Variants in SIGLEC9 observed in about 807,000 individuals in gnomAD.
SIGLEC9 encodes sialic acid binding Ig like lectin 9, also known as sialic acid-binding Ig-like lectin 9.
In SIGLEC9, 26 loss-of-function variants were observed where a neutral mutation model predicts 38.3. The observed-to-expected ratio is 0.68, with a 90% CI of 0.50 to 0.94. The LOEUF is 0.94. Among genes scored for constraint, SIGLEC9 ranks in the 40% least tolerant of loss-of-function variants. SIGLEC9 has a pLI of 0.00. For missense variants in SIGLEC9, 556 were observed against 585.7 expected, an observed-to-expected ratio of 0.95 and a Z score of 0.52; for synonymous variants, 236 against 248.0, an observed-to-expected ratio of 0.95 and a Z score of 0.45.
Position 51,130,111 on chromosome 19 carries a change from T to G in SIGLEC9, c.*32T>G. 1 of 1,566,830 alleles carries G rather than the reference T, an allele frequency of 6.4e-7. No homozygotes were observed. The highest frequency in any genetic ancestry group is 8.7e-7 in the Non-Finnish European group (1 of 1,155,286). On this transcript the variant is annotated 3_prime_UTR_variant, in exon 7 of 7. Coordinates refer to ENST00000250360, the MANE Select transcript of SIGLEC9 (RefSeq NM_014441.3). The stretch of plus-strand genomic sequence containing the variant: ...GCAGAGACTCACCCTGATTGAGGGA[T>G]CACAGCCCCTCCAGGCAAGGGAGAA...
chr19:51,128,052 C>G lies in SIGLEC9; in HGVS notation c.1106+13C>G. On this transcript the variant is annotated intron_variant, in intron 5 of 6. Coordinates refer to ENST00000250360, the MANE Select transcript of SIGLEC9 (RefSeq NM_014441.3). Reference sequence around the variant, plus strand: ...TCATCTTCGTTGTGTAAGCATGGACCCTAGAGAGGGAGGGAGGGAGAGCCC... The same window carrying G: ...TCATCTTCGTTGTGTAAGCATGGACGCTAGAGAGGGAGGGAGGGAGAGCCC... 6.2e-7 allele frequency: 1 copy of G among 1,602,634 alleles called. No individual in the cohort carries two copies. Among genetic ancestry groups the G allele is most frequent in the Non-Finnish European group, 8.5e-7 (1 of 1,170,282 alleles).
chr19:51,122,419 A>G (rs1338903945), upstream of SIGLEC9, among the ~76,000 whole-genome samples: 2 of 152,106 alleles, frequency 1.3e-5, no homozygotes, highest in Non-Finnish European at 2.9e-5. This position sits in a 1 kb window ranked among gnomAD's most constrained non-coding sequence, Gnocchi z 4.1. Context: ...CGTCTCTACT[A>G]AAAATACAAA....
intron 3 of SIGLEC9, 119 bp downstream of exon 3, chr19:51,126,247 C>T: frequency 1.0e-6 from 1 of 1,002,900 alleles, no homozygotes; most frequent in East Asian, 2.4e-5. Context: ...TGGGTGAACT[C>T]AGGGCCCCTC....
rs1193792544 is a variant in SIGLEC9, at chr19:51,130,059, G to C, written c.1372G>C (p.Glu458Gln). 2 of 1,612,288 alleles carry C rather than the reference G, an allele frequency of 1.2e-6. No individual in the cohort carries two copies. The highest frequency in any genetic ancestry group is 1.7e-6 in the Non-Finnish European group (2 of 1,179,154). ...GQEATDTEYS[E>Q]IKIHR ...GGAGGCCACTGACACCGAGTACTCG[G>C]AGATCAAGATCCACAGATGAGAAAC... The change falls in exon 7 of 7, where the codon GAG (glutamate) becomes CAG (glutamine). Residue 458 changes from glutamate (E) to glutamine (Q), a missense_variant. Coordinates refer to ENST00000250360, the MANE Select transcript of SIGLEC9 (RefSeq NM_014441.3).
chr19:51,125,064 G>A lies in SIGLEC9; in HGVS notation c.90G>A (p.Thr30=), dbSNP rs201707362. The change falls in exon 1 of 7, where the codon ACG becomes ACA. Residue 30 remains threonine (T), a synonymous_variant. Transcript: ENST00000250360. ...TGCTGACGATGCAGAGTTCCGTGAC[G>A]GTGCAGGAAGGCCTGTGTGTCCATG... is the stretch of plus-strand genomic sequence containing the variant. ...SKLLTMQSSV[T]VQEGLCVHVP... The A allele has an allele frequency of 7.3e-5, 118 of 1,613,922 alleles. 1 individual carries two copies. The Admixed American group carries it at 1.7e-3, about 23-fold the overall frequency.
At chr19:51,132,924 T>C, downstream of SIGLEC9, among the ~76,000 whole-genome samples, 1 of 152,054 alleles carries the variant, frequency 6.6e-6, no homozygotes, top group South Asian at 2.1e-4. Flanking sequence ...CATATTGATT[T>C]AGGTAATCCC....
chr19:51,134,844 T>C (rs974875416), downstream of SIGLEC9, among the ~76,000 whole-genome samples: 2 of 152,252 alleles, frequency 1.3e-5, no homozygotes, highest in Non-Finnish European at 2.9e-5. Flanking sequence ...GGGATCTTTC[T>C]AACTTTTTGA....
At chr19:51,128,391 G>T in intron 5 of SIGLEC9, 23 bp from the exon 6 acceptor site, 2 of 1,611,790 alleles carry the variant, frequency 1.2e-6, no homozygotes, top group Middle Eastern at 1.7e-4. Flanking sequence ...CACACTGAAA[G>T]GCTCTCTGGT....
rs762379417 is a variant in SIGLEC9 at position 51,127,221 on chromosome 19, G to T, written c.940G>T (p.Asp314Tyr). ...VLELPWVHLR[D>Y]AAEFTCRAQN... is the part of the protein sequence containing the mutation. The stretch of plus-strand genomic sequence containing the variant: ...GGAGCTGCCTTGGGTGCACCTGAGG[G>T]ATGCAGCTGAATTCACCTGCAGAGC... The change falls in exon 4 of 7, where the codon GAT becomes TAT. Residue 314 changes from aspartate (D) to tyrosine (Y), a missense_variant. By Grantham distance (160) the Asp-to-Tyr change is radical. Coordinates refer to ENST00000250360, the MANE Select transcript of SIGLEC9 (RefSeq NM_014441.3). The T allele has an allele frequency of 2.5e-6, 4 of 1,614,236 alleles. No homozygotes were observed. Among genetic ancestry groups the T allele is most frequent in the Non-Finnish European group, 3.4e-6 (4 of 1,180,028 alleles).
At chr19:51,122,549 C>G (rs2091952109), upstream of SIGLEC9, among the ~76,000 whole-genome samples, 2 of 144,410 alleles carry the variant, frequency 1.4e-5, no homozygotes, top group South Asian at 4.4e-4. The surrounding 1 kb of genome is among the most constrained non-coding windows in gnomAD (Gnocchi z 4.1). Context: ...GCACTGTACT[C>G]TAGCCTGGGT....
At chr19:51,126,949 G>A in intron 3 of SIGLEC9, 81 bp from the exon 4 acceptor site, 4 of 1,260,480 alleles carry the variant, frequency 3.2e-6, no homozygotes, top group Non-Finnish European at 4.5e-6. Context: ...TGTGTCAGTT[G>A]CTGTCATCAG....
At chr19:51,127,636 C>A (rs1005692236) in intron 4 of SIGLEC9, among the ~76,000 whole-genome samples, 1 of 151,924 alleles carries the variant, frequency 6.6e-6, no homozygotes, top group East Asian at 1.9e-4. Flanking sequence ...AAAAGCCCAG[C>A]AAGTCAGCAA....
rs1213531500 is a variant in SIGLEC9, at chr19:51,125,674, C to T, written c.499C>T (p.Pro167Ser). The T allele has an allele frequency of 1.2e-6, 2 of 1,613,902 alleles. No individual in the cohort carries two copies. The highest frequency in any genetic ancestry group is 1.3e-5 in the African/African-American group (1 of 75,024). The change falls in exon 2 of 7, where the codon CCC becomes TCC. Residue 167 changes from proline to serine, a missense_variant. By Grantham distance (74) the Pro-to-Ser change is moderately conservative. Coordinates refer to ENST00000250360, the MANE Select transcript of SIGLEC9 (RefSeq NM_014441.3). ...GCPQNLTCSV[P>S]WACEQGTPPM... ...CCCCCAGAATCTGACCTGCTCTGTG[C>T]CCTGGGCCTGTGAGCAGGGGACACC...
intron 4 of SIGLEC9, 71 bp downstream of exon 4, chr19:51,127,367 A>G (rs960596072): frequency 2.7e-6 from 4 of 1,469,812 alleles, no homozygotes; most frequent in Non-Finnish European, 2.7e-6. Context: ...GTAACTGCTG[A>G]GCGTGGACCT....
chr19:51,130,288 A>G lies in SIGLEC9; in HGVS notation c.*209A>G, dbSNP rs1191142423. ...CTGTGCCCTCCCTTTTATTTTTTTA[A>G]CTAAAAGACAGACAAATTCCTACCT... On this transcript the variant is annotated 3_prime_UTR_variant, in exon 7 of 7. Coordinates refer to ENST00000250360, the MANE Select transcript of SIGLEC9 (RefSeq NM_014441.3). 3 of 1,004,994 alleles carry G rather than the reference A, an allele frequency of 3.0e-6. No individual in the cohort carries two copies. The highest frequency in any genetic ancestry group is 3.9e-6 in the Non-Finnish European group (3 of 765,344). 62.3% of individuals were successfully genotyped at this position (1,004,994 alleles called of 1,614,324 possible). A position where few individuals can be genotyped will look rare whatever the true frequency, so the allele number is the denominator to read the frequency against.
rs769276334 is a variant in SIGLEC9, at chr19:51,124,964, T to C, written c.-11T>C. 65 of 1,594,310 alleles carry C rather than the reference T, an allele frequency of 4.1e-5. No homozygotes were observed. The highest frequency in any genetic ancestry group is 6.8e-5 in the Admixed American group (4 of 59,060). ...CGTTCCCTCGCGGCCCTGGCACCTC[T>C]AACCCCAGACATGCTGCTGCTGCTG... On this transcript the variant is annotated 5_prime_UTR_variant, in exon 1 of 7. Coordinates refer to ENST00000250360, the MANE Select transcript of SIGLEC9 (RefSeq NM_014441.3).
Position 51,135,408 on chromosome 19 carries a change from A to ATT in SIGLEC9, c.1204-553_1204-552insTT, listed in dbSNP as rs2092037022. ...TAAGAATGCTGAATATAGGCCCCGA[A>ATT]TGTCTTTGGCTTATATGATTTCTGC... On this transcript the variant is annotated intron_variant, in intron 6 of 6. Coordinates refer to the SIGLEC9 transcript ENST00000440804. 1.2e-4 allele frequency among the ~76,000 whole-genome samples: 18 copies of ATT among 152,272 alleles called. 3 individuals carry two copies. Among genetic ancestry groups the ATT allele is most frequent in the Admixed American group, 2.0e-4 (3 of 15,306 alleles).
chr19:51,120,971 A>G (rs1302784481), upstream of SIGLEC9, among the ~76,000 whole-genome samples: 1 of 151,080 alleles, frequency 6.6e-6, no homozygotes, highest in Non-Finnish European at 1.5e-5. The surrounding 1 kb of genome is among the most constrained non-coding windows in gnomAD (Gnocchi z 4.1). Flanking sequence ...TCAGCCTCCC[A>G]AGTAGCAGAG....
chr19:51,134,247 C>T (rs1294528605), downstream of SIGLEC9, among the ~76,000 whole-genome samples: 4 of 132,558 alleles, frequency 3.0e-5, no homozygotes, highest in Admixed American at 9.4e-5. Flanking sequence ...AGGGTTCAAG[C>T]GATTCTCCTG....
Sources: gnomAD v4.1 joint callset for allele counts (sites outside exome capture counted in the v4.1 genomes callset) on GRCh38, gnomAD v4.1.1 for gene constraint, Gnocchi (gnomAD v3.1) non-coding constraint, MANE v1.5 for transcripts, NCBI Gene and HGNC (gene_info 2026-07-23, HGNC 2026-07-21) for gene names.